The following CSDE1 variants were observed in gnomAD, a reference collection of about 807,000 sequenced individuals.
CSDE1 encodes the protein cold shock domain-containing protein E1.
In CSDE1, 17 loss-of-function variants were observed where a neutral mutation model predicts 89.3. The observed-to-expected ratio is 0.19, with a 90% confidence interval of 0.13 to 0.29. The LOEUF (loss-of-function observed/expected upper bound fraction) is 0.29, where lower values mean the gene tolerates loss of function less well. CSDE1 is among the 10% of genes least tolerant of loss of function. The pLI is 1.00. For missense variants in CSDE1, 672 were observed against 984.2 expected (o/e 0.68, Z 4.24); for synonymous variants, 322 against 332.8 (o/e 0.97, Z 0.35).
At chr1:114,748,092 T>G (rs1477653615) in intron 2 of CSDE1, among the ~76,000 whole-genome samples, 5 of 152,226 alleles carry the variant, frequency 3.3e-5, no homozygotes, top group Non-Finnish European at 7.3e-5. Flanking sequence ...TACTATAGTT[T>G]TTAGTTGTTA....
At chr1:114,756,966 G>C (rs977320324) in intron 1 of CSDE1, 1 of 152,214 alleles carries the variant, frequency 6.6e-6, no homozygotes, top group Non-Finnish European at 1.5e-5. Flanking sequence ...TGTCTCCGAC[G>C]GGGGAACTCT....
At chr1:114,720,429 T>G in intron 17 of CSDE1, 110 bp downstream of exon 17, 1 of 1,084,426 alleles carries the variant, frequency 9.2e-7, no homozygotes, top group South Asian at 2.0e-5. Flanking sequence ...GAAGTAGAAA[T>G]AAAAAAACGA....
intron 2 of CSDE1, among the ~76,000 whole-genome samples, chr1:114,747,887 T>C (rs969284961): frequency 2.0e-5 from 3 of 152,084 alleles, no homozygotes; most frequent in African/African-American, 7.2e-5. Flanking sequence ...ATCTAATCTT[T>C]TATGCTTCAG....
intron 2 of CSDE1, among the ~76,000 whole-genome samples, chr1:114,744,594 AAAAC>A (rs779073403): frequency 4.1e-4 from 63 of 152,120 alleles, no homozygotes; most frequent in Admixed American, 7.2e-4. Flanking sequence ...CAAAACAACA[AAAAC>A]AAACAAACAA....
Position 114,737,986 on chromosome 1 carries a change from G to C in CSDE1, c.286C>G (p.Pro96Ala), listed in dbSNP as rs199566705. 18 of 1,613,222 alleles carry C rather than the reference G, an allele frequency of 1.1e-5. 1 individual carries two copies. The African/African-American group carries it at 1.9e-4, about 17-fold the overall frequency. Reference protein sequence around the residue: ...KLVKIKQEILPEERMNGQVVC... With the variant: ...KLVKIKQEILAEERMNGQVVC... ...ACTTGTCCATTCATTCGTTCTTCAGGGAGGATTTCTTGTTTTATCTTCACC... is the reference window on the plus strand; with the variant it reads ...ACTTGTCCATTCATTCGTTCTTCAGCGAGGATTTCTTGTTTTATCTTCACC... The change falls in exon 4 of 20, where the codon CCT becomes GCT. Residue 96 changes from proline to alanine, a missense_variant. By Grantham distance (27) the Pro-to-Ala change is conservative. Coordinates refer to ENST00000358528, the MANE Select transcript of CSDE1 (RefSeq NM_001007553.3).
At chr1:114,751,282 C>T (rs533779290) in intron 1 of CSDE1, among the ~76,000 whole-genome samples, 1 of 152,320 alleles carries the variant, frequency 6.6e-6, no homozygotes, top group South Asian at 2.1e-4. Context: ...CAATTTTGCA[C>T]TGACTCCAAA....
chr1:114,737,408 A>T, intron 5 of CSDE1, 63 bp downstream of exon 5: 1 of 1,298,704 alleles, frequency 7.7e-7, no homozygotes, highest in Non-Finnish European at 1.1e-6. Flanking sequence ...TTTGAATTTT[A>T]AAGTACGCTT....
intron 2 of CSDE1, among the ~76,000 whole-genome samples, chr1:114,745,687 A>C (rs1660974486): frequency 6.6e-6 from 1 of 152,244 alleles, no homozygotes; most frequent in East Asian, 1.9e-4. Context: ...CCAGCCTCAT[A>C]AAGTTTAGAC....
chr1:114,754,357 C>T (rs559636755), intron 1 of CSDE1, among the ~76,000 whole-genome samples: 2 of 152,348 alleles, frequency 1.3e-5, no homozygotes, highest in Non-Finnish European at 2.9e-5. Context: ...TAAGCCATGA[C>T]ATAGTCGGCA....
At position 114,726,083 on chromosome 1, in the gene CSDE1, G is replaced by A; in HGVS notation, c.1640+128C>T. The A allele has an allele frequency of 8.5e-6, 8 of 946,676 alleles. No individual in the cohort carries two copies. In the South Asian group the frequency reaches 1.5e-4, roughly 18 times the overall value. 58.6% of individuals were successfully genotyped at this position (946,676 alleles called of 1,614,324 possible). ...AGTGATTAACTTCAGTTTATATCTT[G>A]CCATAATTCTACCAATATGAAATCT... On this transcript the variant is annotated intron_variant, in intron 14 of 19. Coordinates refer to ENST00000358528, the MANE Select transcript of CSDE1 (RefSeq NM_001007553.3).
At chr1:114,727,184 G>C in intron 12 of CSDE1, 94 bp from the exon 13 acceptor site, 3 of 817,318 alleles carry the variant, frequency 3.7e-6, no homozygotes, top group Non-Finnish European at 6.0e-6. Flanking sequence ...TGTGCCAAAG[G>C]ATTGGTACAG....
At chr1:114,751,709 AAAAC>A (rs1395782024) in intron 1 of CSDE1, among the ~76,000 whole-genome samples, 1 of 151,946 alleles carries the variant, frequency 6.6e-6, no homozygotes, top group African/African-American at 2.4e-5. Context: ...AAAAAAAACA[AAAAC>A]AAACCTATGC....
rs61764379 is a variant in CSDE1 at position 114,718,751 on chromosome 1, A to AT, written c.2217-7dup. 4.5e-5 allele frequency: 72 copies of AT among 1,613,468 alleles called. No individual in the cohort carries two copies. In the African/African-American group the frequency reaches 9.1e-4, roughly 20 times the overall value. On this transcript the variant is annotated splice_region_variant and splice_polypyrimidine_tract_variant and intron_variant, in intron 18 of 19. Transcript: ENST00000358528. ...CAACAGCCTTGGGGCCCTCACTGTA[A>AT]TTAAGTCAAAAGATGAGAAGAAACC...
chr1:114,724,027 T>C, intron 15 of CSDE1, 25 bp from the exon 16 acceptor site: 2 of 1,602,722 alleles, frequency 1.2e-6, no homozygotes, highest in Non-Finnish European at 1.7e-6. Context: ...CAGGTACATC[T>C]TTCAATTTTA....
At chr1:114,741,468 C>T in intron 2 of CSDE1, 1 of 1,435,114 alleles carries the variant, frequency 7.0e-7, no homozygotes, top group Non-Finnish European at 9.3e-7. Flanking sequence ...AGTGGCAATC[C>T]TAGGTCATGC....
At chr1:114,729,201 C>A (rs1037375849) in intron 12 of CSDE1, among the ~76,000 whole-genome samples, 1 of 152,058 alleles carries the variant, frequency 6.6e-6, no homozygotes, top group Non-Finnish European at 1.5e-5. Context: ...TGGGTTCACG[C>A]CATTCTCCTG....
At chr1:114,737,205 C>T (rs762315651) in intron 5 of CSDE1, among the ~76,000 whole-genome samples, 2 of 152,008 alleles carry the variant, frequency 1.3e-5, no homozygotes, top group Non-Finnish European at 2.9e-5. Flanking sequence ...AGATCCCCCC[C>T]ACAACCCCCA....
chr1:114,756,715 C>T (rs1414642905), intron 1 of CSDE1: 1 of 152,190 alleles, frequency 6.6e-6, no homozygotes, highest in African/African-American at 2.4e-5. Flanking sequence ...TGTCTCCCAA[C>T]TGTTTAAAGA....
intron 18 of CSDE1, 154 bp from the exon 19 acceptor site, chr1:114,718,899 C>A: frequency 1.3e-6 from 1 of 779,414 alleles, no homozygotes; most frequent in Non-Finnish European, 2.0e-6. Context: ...ACAGGACAGA[C>A]AAGTTTGTTT....
Sources: gnomAD v4.1 joint callset for allele counts (sites outside exome capture counted in the v4.1 genomes callset) on GRCh38, gnomAD v4.1.1 for gene constraint, MANE v1.5 for transcripts, NCBI Gene and HGNC (gene_info 2026-07-23, HGNC 2026-07-21) for gene names.